PCGF1: variants seen among roughly 807,000 people sequenced by gnomAD.
PCGF1 encodes polycomb group ring finger 1.
Under a neutral mutation model 38.8 loss-of-function variants are expected in PCGF1, and 10 were observed. That is an observed-to-expected ratio of 0.26 (90% CI 0.16 to 0.44). The LOEUF (loss-of-function observed/expected upper bound fraction) is 0.44, where lower values mean the gene tolerates loss of function less well. Among genes scored for constraint, PCGF1 ranks in the 20% least tolerant of loss-of-function variants. The pLI is 1.00. For synonymous variants in PCGF1, 119 were observed against 121.3 expected, an observed-to-expected ratio of 0.98 and a Z score of 0.12; for missense variants, 230 against 331.5, an observed-to-expected ratio of 0.69 and a Z score of 2.38.
intron 4 of PCGF1, 52 bp downstream of exon 4, chr2:74,506,129 T>G (rs1400147188): frequency 1.9e-6 from 3 of 1,612,378 alleles, no homozygotes. Flanking sequence ...AGAGCAAAAC[T>G]GGGCAAGAAG....
At position 74,506,265 on chromosome 2, in the gene PCGF1, G is replaced by T. The variant is rs758175845; in HGVS notation, c.353-13C>A. 6 of 1,613,256 alleles carry T rather than the reference G, an allele frequency of 3.7e-6. No individual in the cohort carries two copies. In the South Asian group the frequency reaches 6.6e-5, roughly 18 times the overall value. On this transcript the variant is annotated splice_polypyrimidine_tract_variant and intron_variant, in intron 3 of 8. Coordinates refer to ENST00000233630, the MANE Select transcript of PCGF1 (RefSeq NM_032673.3). ...CGTTTCTCTTCACCTAGAAGAAGGTGAAGTATGAGAATAAAGTATTAGCCC... is the reference window on the plus strand; with the variant it reads ...CGTTTCTCTTCACCTAGAAGAAGGTTAAGTATGAGAATAAAGTATTAGCCC...
rs1443813875 is a variant in PCGF1 at position 74,507,046 on chromosome 2, A to G, written c.195T>C (p.His65=). 8 of 1,613,310 alleles carry G rather than the reference A, an allele frequency of 5.0e-6. No homozygotes were observed. Among genetic ancestry groups the G allele is most frequent in the African/African-American group, 1.3e-5 (1 of 74,934 alleles). The part of the protein sequence containing the change: ...VDATTITECL[H]TFCKSCIVKY... ...GGCAGTCTCCAAGGCACTCACAAGTATGAAGACACTCTGTGATGGTGGTGG... is the reference window on the plus strand; with the variant it reads ...GGCAGTCTCCAAGGCACTCACAAGTGTGAAGACACTCTGTGATGGTGGTGG... The change falls in exon 2 of 9, where the codon CAT becomes CAC. Residue 65 remains histidine (H), a synonymous_variant. Transcript: ENST00000233630.
chr2:74,507,208 C>A, intron 1 of PCGF1, 61 bp from the exon 2 acceptor site: 1 of 1,561,120 alleles, frequency 6.4e-7, no homozygotes, highest in East Asian at 2.3e-5. Flanking sequence ...TGCGCCTTCC[C>A]ACCTTGGGGG....
chr2:74,505,241 T>C (rs536417881), intron 8 of PCGF1, 51 bp from the exon 9 acceptor site: 135 of 1,566,488 alleles, frequency 8.6e-5, no homozygotes, highest in Admixed American at 3.1e-4. Context: ...TCTTATATTA[T>C]TCAAAGGGCC....
intron 1 of PCGF1, 45 bp downstream of exon 1, chr2:74,507,531 T>G: frequency 6.4e-7 from 1 of 1,551,378 alleles, no homozygotes; most frequent in African/African-American, 1.4e-5. Context: ...CCGCCCCAAT[T>G]CGCACCGCTG....
At chr2:74,506,361 A>C in intron 3 of PCGF1, 109 bp from the exon 4 acceptor site, 2 of 1,010,140 alleles carry the variant, frequency 2.0e-6, no homozygotes, top group Middle Eastern at 6.2e-4. Flanking sequence ...GCAGATCATG[A>C]AGTCAGGAGA....
intron 8 of PCGF1, 31 bp downstream of exon 8, chr2:74,505,308 G>C (rs771368877): frequency 3.1e-6 from 5 of 1,593,428 alleles, no homozygotes; most frequent in Non-Finnish European, 3.4e-6. Flanking sequence ...TCTGAAGGGG[G>C]TGTGATCCCA....
At chr2:74,507,524 C>T in intron 1 of PCGF1, 52 bp downstream of exon 1, 1 of 1,547,652 alleles carries the variant, frequency 6.5e-7, no homozygotes, top group South Asian at 1.2e-5. Context: ...CTTTAGCCCG[C>T]CCCAATTCGC....
chr2:74,505,691 G>A (rs1303921307), intron 6 of PCGF1, 46 bp downstream of exon 6: 1 of 1,614,082 alleles, frequency 6.2e-7, no homozygotes. Flanking sequence ...GAAGGACCAT[G>A]GGAGGTGAGT....
In PCGF1 at chr2:74,506,806, T is replaced by A. The variant is rs1674647180; in HGVS notation, c.278A>T (p.Gln93Leu). ...PMCNIKIHET[Q>L]PLLNLKLDRV... ...GTCCAGTTTGAGGTTGAGCAGTGGC[T>A]GTGTCTCGTGGATCTTAATGTTGCA... The change falls in exon 3 of 9, where the codon CAG becomes CTG. Residue 93 changes from glutamine to leucine, a missense_variant. By Grantham distance (113) the Gln-to-Leu change is moderately radical. This residue lies in a region of PCGF1 where 40 missense variants were observed against 113.2 expected (regional missense o/e 0.35). Coordinates refer to ENST00000233630, the MANE Select transcript of PCGF1 (RefSeq NM_032673.3). The A allele has an allele frequency of 6.2e-7, 1 of 1,614,168 alleles. No homozygotes were observed. Among genetic ancestry groups the A allele is most frequent in the Non-Finnish European group, 8.5e-7 (1 of 1,180,014 alleles).
At chr2:74,506,922 A>C (rs750363482) in intron 2 of PCGF1, 38 bp from the exon 3 acceptor site, 2 of 1,613,592 alleles carry the variant, frequency 1.2e-6, no homozygotes, top group African/African-American at 2.7e-5. Flanking sequence ...GGCCCTCTGG[A>C]AACTGGATTC....
rs766316107 is a variant in PCGF1, at chr2:74,505,343, C to T, written c.728G>A (p.Gly243Asp). 3 of 1,606,524 alleles carry T rather than the reference C, an allele frequency of 1.9e-6. No homozygotes were observed. The highest frequency in any genetic ancestry group is 3.4e-5 in the Admixed American group (2 of 58,848). ...AGGGAGGGTGGCCTGGCTTACCTTG[C>T]CGAACCAGCGGGAGAGCCATATCTG... ...MKQIWLSRWFGKPSPLLLQYS... is the reference protein window; with the variant it reads ...MKQIWLSRWFDKPSPLLLQYS... Residue 243 changes from glycine to aspartate, a missense_variant, in exon 8 of 9, where the codon GGC (glycine) becomes GAC (aspartate). Physicochemically the swap from Gly to Asp is moderately conservative, Grantham distance 94 (BLOSUM62 -1). This residue lies in a region of PCGF1 where 144 missense variants were observed against 182.4 expected (regional missense o/e 0.79). Transcript: ENST00000233630.
intron 1 of PCGF1, 161 bp from the exon 2 acceptor site, chr2:74,507,308 C>A (rs927038277): frequency 6.8e-7 from 1 of 1,469,170 alleles, no homozygotes; most frequent in Non-Finnish European, 9.0e-7. Flanking sequence ...TCCCCCTCCG[C>A]CCAGCAGAGG....
In PCGF1 at chr2:74,506,219, G is replaced by C; in HGVS notation, c.386C>G (p.Ser129Cys). Residue 129 changes from serine to cysteine, a missense_variant, in exon 4 of 9, where the codon TCC becomes TGC. This residue lies in a region of PCGF1 where 144 missense variants were observed against 182.4 expected (regional missense o/e 0.79). Coordinates refer to ENST00000233630, the MANE Select transcript of PCGF1 (RefSeq NM_032673.3). ...EEKRIREFYQ[S>C]RGLDRVTQPT... ...CTGGGTGACCCGGTCCAAACCTCGG[G>C]ACTGGTAGAATTCCCGAATCCGTTT... 1 of 1,614,152 alleles carries C rather than the reference G, an allele frequency of 6.2e-7. No homozygotes were observed. The highest frequency in any genetic ancestry group is 1.1e-5 in the South Asian group (1 of 91,076).
At chr2:74,507,296 A>C (rs1572977736) in intron 1 of PCGF1, 149 bp from the exon 2 acceptor site, 1 of 1,466,588 alleles carries the variant, frequency 6.8e-7, no homozygotes, top group Non-Finnish European at 9.0e-7. Flanking sequence ...GGGGGCTGGC[A>C]CTCCCCCTCC....
Position 74,505,433 on chromosome 2 carries a change from G to A in PCGF1, c.652-14C>T. 2 of 1,606,634 alleles carry A rather than the reference G, an allele frequency of 1.2e-6. No individual in the cohort carries two copies. Among genetic ancestry groups the A allele is most frequent in the South Asian group, 1.1e-5 (1 of 90,556 alleles). ...AAGGAGCTGCACCTAGGAGGGAGAT[G>A]GGGGCATAATTTTAGGAACTTTCTG... On this transcript the variant is annotated splice_polypyrimidine_tract_variant and intron_variant, in intron 7 of 8. Transcript: ENST00000233630.
intron 4 of PCGF1, 40 bp from the exon 5 acceptor site, chr2:74,506,097 T>G: frequency 6.2e-7 from 1 of 1,612,322 alleles, no homozygotes; most frequent in Non-Finnish European, 8.5e-7. Context: ...GTGGCACACA[T>G]TCCATACTCC....
chr2:74,505,241 T>G, intron 8 of PCGF1, 51 bp from the exon 9 acceptor site: 2 of 1,566,488 alleles, frequency 1.3e-6, no homozygotes, highest in South Asian at 2.3e-5. Flanking sequence ...TCTTATATTA[T>G]TCAAAGGGCC....
chr2:74,506,591 A>C, intron 3 of PCGF1, 141 bp downstream of exon 3: 1 of 924,342 alleles, frequency 1.1e-6, no homozygotes, highest in Non-Finnish European at 1.7e-6. Flanking sequence ...AAAAAGAATA[A>C]AGTATTAGCC....
Sources: gnomAD v4.1 joint callset for allele counts on GRCh38, gnomAD v4.1.1 for gene constraint, gnomAD v4.1.1 regional missense constraint, MANE v1.5 for transcripts, NCBI Gene and HGNC (gene_info 2026-07-23, HGNC 2026-07-21) for gene names.